COL11A1: variants seen among roughly 807,000 people sequenced by gnomAD.
COL11A1 encodes collagen alpha-1(XI) chain.
COL11A1 carries 74 observed loss-of-function variants against 265.2 expected under a neutral mutation model. The ratio of observed to expected loss-of-function variants is 0.28; its 90% CI spans 0.23 to 0.34. The LOEUF (loss-of-function observed/expected upper bound fraction) is 0.34. Among genes scored for constraint, COL11A1 ranks in the 10% least tolerant of loss-of-function variants. COL11A1 has a pLI of 1.00. For synonymous variants in COL11A1, 816 were observed against 727.6 expected (o/e 1.12, Z -1.96); for missense variants, 2,165 against 2,263.6 (o/e 0.96, Z 0.88).
chr1:102,939,538 T>C (rs1173105471), intron 43 of COL11A1, among the ~76,000 whole-genome samples: 1 of 151,366 alleles, frequency 6.6e-6, no homozygotes, highest in East Asian at 1.9e-4. Flanking sequence ...GTCCTACAAA[T>C]AAATGTTTTT....
intron 4 of COL11A1, among the ~76,000 whole-genome samples, chr1:103,066,388 G>A (rs1465785601): frequency 6.6e-6 from 1 of 151,686 alleles, no homozygotes; most frequent in Non-Finnish European, 1.5e-5. Context: ...AAATGTTTCT[G>A]CATTACATAC....
intron 42 of COL11A1, among the ~76,000 whole-genome samples, chr1:102,945,219 T>C (rs757357265): frequency 8.6e-5 from 13 of 150,548 alleles, no homozygotes; most frequent in Non-Finnish European, 1.8e-4. Context: ...GTGGGTTCAT[T>C]AAAACAAAGG....
At chr1:102,890,622 T>C in intron 57 of COL11A1, 118 bp from the exon 58 acceptor site, 2 of 675,132 alleles carry the variant, frequency 3.0e-6, no homozygotes, top group Non-Finnish European at 4.9e-6. Flanking sequence ...AAAATAGTAA[T>C]GATTAATGTT....
intron 65 of COL11A1, among the ~76,000 whole-genome samples, chr1:102,880,561 T>G (rs1225614231): frequency 6.6e-6 from 1 of 152,202 alleles, no homozygotes; most frequent in South Asian, 2.1e-4. Flanking sequence ...ATACTTATTC[T>G]GAAATTATAG....
chr1:103,060,019 T>A (rs1303397242), intron 4 of COL11A1, among the ~76,000 whole-genome samples: 1 of 152,082 alleles, frequency 6.6e-6, no homozygotes, highest in African/African-American at 2.4e-5. Context: ...TCCAGAAGTA[T>A]AATATTCAAA....
At chr1:103,022,013 A>T (rs1364834787) in intron 8 of COL11A1, among the ~76,000 whole-genome samples, 2 of 139,592 alleles carry the variant, frequency 1.4e-5, no homozygotes, top group African/African-American at 2.6e-5. Flanking sequence ...CACCTAGCTA[A>T]TTTTTTTTTT....
At chr1:102,948,897 C>T (rs1024679024) in intron 41 of COL11A1, among the ~76,000 whole-genome samples, 3 of 151,774 alleles carry the variant, frequency 2.0e-5, no homozygotes, top group African/African-American at 7.3e-5. Flanking sequence ...GTTGCACATT[C>T]AAAATGAGCA....
chr1:102,947,658 CT>C (rs1203569339), intron 41 of COL11A1, among the ~76,000 whole-genome samples: 1 of 151,718 alleles, frequency 6.6e-6, no homozygotes, highest in Non-Finnish European at 1.5e-5. Context: ...AACTAGTTTG[CT>C]TTTTTAAAAA....
intron 36 of COL11A1, among the ~76,000 whole-genome samples, chr1:102,970,842 C>T (rs989134504): frequency 4.0e-5 from 6 of 151,798 alleles, no homozygotes; most frequent in African/African-American, 4.8e-5. Flanking sequence ...GCTGAAACCC[C>T]GTCTCTACTA....
rs146954848 is a variant in COL11A1, at chr1:103,078,668, C to T, written c.478G>A (p.Ala160Thr). The T allele has an allele frequency of 3.8e-5, 62 of 1,613,050 alleles. No individual in the cohort carries two copies. The highest frequency in any genetic ancestry group is 2.7e-4 in the South Asian group (25 of 91,076). ...DYPLFRTVNI[A>T]DGKWHRVAIS... The stretch of plus-strand genomic sequence containing the variant: ...TATTTTGTTACTTACTTCCCGTCAG[C>T]GATGTTAACAGTTCTGAAGAGGGGA... Residue 160 changes from alanine to threonine, a missense_variant, in exon 3 of 67, where the codon GCT becomes ACT. Physicochemically the swap from Ala to Thr is moderately conservative, Grantham distance 58. Coordinates refer to ENST00000370096, the MANE Select transcript of COL11A1 (RefSeq NM_001854.4).
At chr1:103,050,804 A>T (rs1669751808) in intron 4 of COL11A1, among the ~76,000 whole-genome samples, 1 of 152,086 alleles carries the variant, frequency 6.6e-6, no homozygotes, top group Non-Finnish European at 1.5e-5. Context: ...CCTGTTTGTT[A>T]GTTTTCCTTC....
chr1:103,017,721 C>G (rs898312275), intron 11 of COL11A1, 99 bp downstream of exon 11: 1 of 1,021,536 alleles, frequency 9.8e-7, no homozygotes, highest in African/African-American at 1.6e-5. Flanking sequence ...ACCCCTCCCA[C>G]ACGCAGTAAG....
At chr1:103,107,049 G>T (rs897914719) in intron 1 of COL11A1, among the ~76,000 whole-genome samples, 2 of 152,036 alleles carry the variant, frequency 1.3e-5, no homozygotes, top group South Asian at 2.1e-4. Flanking sequence ...AAAGGCTTTC[G>T]CCTGCCAGTC....
chr1:103,036,933 A>C (rs966458453), intron 4 of COL11A1, among the ~76,000 whole-genome samples: 6 of 152,048 alleles, frequency 3.9e-5, no homozygotes, highest in African/African-American at 1.4e-4. Context: ...TATAGAGTGA[A>C]AGCAAATAAA....
chr1:102,951,828 G>C (rs987344735), intron 41 of COL11A1, among the ~76,000 whole-genome samples: 9 of 151,948 alleles, frequency 5.9e-5, no homozygotes, highest in African/African-American at 2.2e-4. Context: ...AAATTTGCAG[G>C]AAAATTGCTA....
At chr1:103,106,170 A>G (rs1296049498) in intron 1 of COL11A1, among the ~76,000 whole-genome samples, 3 of 152,206 alleles carry the variant, frequency 2.0e-5, no homozygotes, top group Admixed American at 1.3e-4. Context: ...CAGAAATTTG[A>G]TATTAAAAAA....
chr1:103,094,196 A>C (rs1461917777), intron 1 of COL11A1, among the ~76,000 whole-genome samples: 1 of 152,124 alleles, frequency 6.6e-6, no homozygotes, highest in Admixed American at 6.6e-5. Context: ...TTCAAGAGCT[A>C]ATAGACACCA....
At chr1:102,971,398 G>A (rs1262004411) in intron 36 of COL11A1, among the ~76,000 whole-genome samples, 6 of 152,038 alleles carry the variant, frequency 3.9e-5, no homozygotes, top group Non-Finnish European at 7.4e-5. Flanking sequence ...TAACCATTAC[G>A]TATCAAGTTC....
chr1:102,938,599 T>G (rs898600524), intron 44 of COL11A1, among the ~76,000 whole-genome samples: 23 of 152,064 alleles, frequency 1.5e-4, no homozygotes, highest in African/African-American at 5.3e-4. Context: ...ACACACCATT[T>G]GAATGAACAA....
Sources: gnomAD v4.1 joint callset for allele counts (sites outside exome capture counted in the v4.1 genomes callset) on GRCh38, gnomAD v4.1.1 for gene constraint, MANE v1.5 for transcripts, NCBI Gene and HGNC (gene_info 2026-07-23, HGNC 2026-07-21) for gene names.